The following CEP290 variants were observed in gnomAD, a reference collection of about 807,000 sequenced individuals.
The protein encoded by CEP290 is centrosomal protein 290.
In CEP290, 317 loss-of-function variants were observed where a neutral mutation model predicts 344.9. That is an observed-to-expected ratio of 0.92 (90% CI 0.84 to 1.01). The LOEUF (loss-of-function observed/expected upper bound fraction) is 1.01, where lower values mean the gene tolerates loss of function less well. Among genes scored for constraint, CEP290 ranks in the 50% least tolerant of loss-of-function variants. The probability of loss-of-function intolerance (pLI) is 0.00; values close to 1 mark genes in which losing one functional copy is unlikely to be tolerated. For missense variants in CEP290, 2,754 were observed against 2,761.4 expected, an observed-to-expected ratio of 1.00 and a Z score of 0.06; for synonymous variants, 932 against 895.8, an observed-to-expected ratio of 1.04 and a Z score of -0.72.
chr12:88,074,828 G>C (rs1017531449), intron 41 of CEP290, among the ~76,000 whole-genome samples: 1 of 152,156 alleles, frequency 6.6e-6, no homozygotes, highest in Non-Finnish European at 1.5e-5. Flanking sequence ...CTGAACATGT[G>C]GAGGTTTCTA....
chr12:88,092,361 A>C (rs1211964890), intron 29 of CEP290, among the ~76,000 whole-genome samples: 3 of 152,166 alleles, frequency 2.0e-5, no homozygotes, highest in Non-Finnish European at 4.4e-5. Flanking sequence ...AAGTTTAAAT[A>C]CAATAAACAA....
At chr12:88,123,833 T>TC (rs2039566441) in intron 13 of CEP290, among the ~76,000 whole-genome samples, 2 of 152,052 alleles carry the variant, frequency 1.3e-5, no homozygotes, top group African/African-American at 4.8e-5. Flanking sequence ...CTAACATGTC[T>TC]AAAATTAAGT....
chr12:88,080,117 T>A, intron 38 of CEP290, 65 bp downstream of exon 38: 1 of 1,046,300 alleles, frequency 9.6e-7, no homozygotes, highest in South Asian at 1.7e-5. Context: ...AATTTACAAA[T>A]CTTCTCTAAA....
chr12:88,119,001 A>T (rs1413987986), intron 15 of CEP290, among the ~76,000 whole-genome samples: 1 of 152,210 alleles, frequency 6.6e-6, no homozygotes, highest in Non-Finnish European at 1.5e-5. Context: ...CACAGAAAAT[A>T]TGATGTCTAT....
chr12:88,049,151 A>ATAGT lies in CEP290; in HGVS notation c.*29_*32dup, dbSNP rs765632860. 6 of 1,271,704 alleles carry ATAGT rather than the reference A, an allele frequency of 4.7e-6. No homozygotes were observed. The highest frequency in any genetic ancestry group is 4.1e-5 in the South Asian group (3 of 73,228). The allele number at this position is 1,271,704 out of a possible 1,614,324, so 78.8% of individuals were successfully genotyped here. A position where few individuals can be genotyped will look rare whatever the true frequency, so the allele number is the denominator to read the frequency against. ...TATATTTAACTTATAAAGTTAATAA[A>ATAGT]TAGTTAAATGAAACAAAGTTTATAG... On this transcript the variant is annotated 3_prime_UTR_variant, in exon 54 of 54. Coordinates refer to ENST00000552810, the MANE Select transcript of CEP290 (RefSeq NM_025114.4).
intron 17 of CEP290, among the ~76,000 whole-genome samples, chr12:88,117,402 C>T (rs1481602320): frequency 6.6e-6 from 1 of 152,124 alleles, no homozygotes; most frequent in African/African-American, 2.4e-5. Flanking sequence ...TAAAGTGCTA[C>T]TTAATAAGCA....
At chr12:88,097,749 T>G (rs138352938) in intron 26 of CEP290, among the ~76,000 whole-genome samples, 1 of 152,250 alleles carries the variant, frequency 6.6e-6, no homozygotes, top group Non-Finnish European at 1.5e-5. Flanking sequence ...TGTACATTCA[T>G]TTTGGCCAAA....
intron 26 of CEP290, among the ~76,000 whole-genome samples, chr12:88,101,658 C>CAA (rs11297432): frequency 9.0e-6 from 1 of 111,044 alleles, no homozygotes; most frequent in Non-Finnish European, 1.9e-5. Context: ...AACTCCATCT[C>CAA]AAAAAAAAAA....
At chr12:88,090,867 C>G (rs2036983168) in intron 29 of CEP290, 28 bp from the exon 30 acceptor site, 2 of 1,357,970 alleles carry the variant, frequency 1.5e-6, no homozygotes, top group Admixed American at 2.3e-5. Flanking sequence ...ATTTCAGGAA[C>G]AATTAAGTAC....
intron 41 of CEP290, among the ~76,000 whole-genome samples, chr12:88,074,194 C>A (rs1156518408): frequency 6.6e-6 from 1 of 152,024 alleles, no homozygotes; most frequent in Non-Finnish European, 1.5e-5. Context: ...CATTGCACTC[C>A]AGCCTGGGTG....
Position 88,087,893 on chromosome 12 carries a change from G to T in CEP290, c.4081C>A (p.Leu1361Ile). ...IEELRLQELK[L>I]NRELVKDKEE... ...TTATCCTTGACTAATTCCCGATTTAGTTTAAGTTCTTGAAGACGAAGTTCT... is the reference window on the plus strand; with the variant it reads ...TTATCCTTGACTAATTCCCGATTTATTTTAAGTTCTTGAAGACGAAGTTCT... Residue 1361 changes from leucine (L) to isoleucine (I), a missense_variant, in exon 32 of 54, where the codon CTA becomes ATA. Coordinates refer to ENST00000552810, the MANE Select transcript of CEP290 (RefSeq NM_025114.4). The T allele has an allele frequency of 8.1e-7, 1 of 1,232,414 alleles. No homozygotes were observed. Among genetic ancestry groups the T allele is most frequent in the Non-Finnish European group, 1.0e-6 (1 of 963,734 alleles). The allele number at this position is 1,232,414 out of a possible 1,614,324, so 76.3% of individuals were successfully genotyped here.
intron 28 of CEP290, among the ~76,000 whole-genome samples, chr12:88,093,081 A>G (rs1005039392): frequency 7.9e-5 from 12 of 152,162 alleles, no homozygotes; most frequent in Admixed American, 1.3e-4. Flanking sequence ...TTATCTAATA[A>G]TATCTGAACT....
chr12:88,113,843 G>T (rs1316749109), intron 20 of CEP290, among the ~76,000 whole-genome samples: 1 of 89,340 alleles, frequency 1.1e-5, no homozygotes, highest in Non-Finnish European at 2.4e-5. Context: ...GATGGCATAA[G>T]TTCCTAAGAG....
chr12:88,057,934 T>C (rs902153751), intron 49 of CEP290: 11 of 152,178 alleles, frequency 7.2e-5, no homozygotes, highest in Non-Finnish European at 4.4e-5. Flanking sequence ...TGGAGGTGCA[T>C]GGACATAAGG....
At chr12:88,117,566 C>T (rs1012715193) in intron 17 of CEP290, among the ~76,000 whole-genome samples, 5 of 152,126 alleles carry the variant, frequency 3.3e-5, no homozygotes, top group African/African-American at 7.2e-5. Flanking sequence ...TACTCATATA[C>T]GTGCTTGGGG....
chr12:88,077,791 T>A lies in CEP290; in HGVS notation c.5492A>T (p.Lys1831Ile). 1 of 1,564,814 alleles carries A rather than the reference T, an allele frequency of 6.4e-7. No individual in the cohort carries two copies. The highest frequency in any genetic ancestry group is 8.7e-7 in the Non-Finnish European group (1 of 1,147,758). Reference sequence around the variant, plus strand: ...CTCTCTAAGTATTTTATTATAGGCTTTTTGTTTCTTTTGCAGTTCATTATT... The same window carrying A: ...CTCTCTAAGTATTTTATTATAGGCTATTTGTTTCTTTTGCAGTTCATTATT... Reference protein sequence around the residue: ...DLNNELQKKQKAYNKILREKE... With the variant: ...DLNNELQKKQIAYNKILREKE... Residue 1831 changes from lysine to isoleucine, a missense_variant, in exon 40 of 54, where the codon AAA (lysine) becomes ATA (isoleucine). Transcript: ENST00000552810.
rs1565826928 is a variant in CEP290 at position 88,080,181 on chromosome 12, CTTTCTGTTG to C, written c.5218_5226del (p.Gln1740_Lys1742del). ...GTTGATAATTTTCTGTTGTTACTTA[CTTTCTGTTG>C]TTTCTCCTTCAAGGCTAATTGGCTC... is the stretch of plus-strand genomic sequence containing the variant. On this transcript the variant is annotated inframe_deletion and splice_region_variant, in exon 38 of 54. Transcript: ENST00000552810. 1.3e-6 allele frequency: 2 copies of C among 1,585,764 alleles called. No individual in the cohort carries two copies. Among genetic ancestry groups the C allele is most frequent in the Admixed American group, 3.6e-5 (2 of 55,994 alleles).
At chr12:88,128,219 C>T (rs936482563) in intron 11 of CEP290, among the ~76,000 whole-genome samples, 6 of 152,084 alleles carry the variant, frequency 3.9e-5, no homozygotes, top group African/African-American at 1.4e-4. Flanking sequence ...GGAGACATGA[C>T]TGATTCTATA....
rs2037478393 is a variant in CEP290 at position 88,096,978 on chromosome 12, C to A, written c.3013G>T (p.Glu1005Ter). Reference sequence around the variant, plus strand: ...TCTTTATTTATAGACTCCACTTGTTCTTTTAAGGAGATGTTTTCACACTGA... The same window carrying A: ...TCTTTATTTATAGACTCCACTTGTTATTTTAAGGAGATGTTTTCACACTGA... ...HLECENISLK[E>*]QVESINKELE... The change falls in exon 27 of 54, where the codon GAA (glutamate) becomes TAA (stop). Residue 1005 changes from glutamate (E) to a stop codon, truncating the protein, a stop_gained. Coordinates refer to ENST00000552810, the MANE Select transcript of CEP290 (RefSeq NM_025114.4). LOFTEE classifies it high-confidence loss of function. The A allele has an allele frequency of 6.4e-7, 1 of 1,555,166 alleles. No homozygotes were observed. Among genetic ancestry groups the A allele is most frequent in the East Asian group, 2.3e-5 (1 of 42,852 alleles).
Sources: gnomAD v4.1 joint callset for allele counts (sites outside exome capture counted in the v4.1 genomes callset) on GRCh38, gnomAD v4.1.1 for gene constraint, MANE v1.5 for transcripts, NCBI Gene and HGNC (gene_info 2026-07-23, HGNC 2026-07-21) for gene names.